The following HIBCH variants were observed in gnomAD, a reference collection of about 807,000 sequenced individuals.
HIBCH encodes the protein 3-hydroxyisobutyryl-CoA hydrolase, mitochondrial.
Under a neutral mutation model 58.2 loss-of-function variants are expected in HIBCH, and 50 were observed. The ratio of observed to expected loss-of-function variants is 0.86; its 90% CI spans 0.68 to 1.09. The LOEUF (loss-of-function observed/expected upper bound fraction) is 1.09. HIBCH is among the 50% of genes least tolerant of loss of function. The pLI is 0.00. For missense variants in HIBCH, 450 were observed against 449.7 expected, an observed-to-expected ratio of 1.00 and a Z score of -0.01; for synonymous variants, 151 against 146.9, an observed-to-expected ratio of 1.03 and a Z score of -0.20.
chr2:190,280,418 G>C (rs1203879390), intron 6 of HIBCH, among the ~76,000 whole-genome samples: 2 of 152,148 alleles, frequency 1.3e-5, no homozygotes, highest in Non-Finnish European at 2.9e-5. Context: ...GTGATGGTCA[G>C]GTGGTTGTTA....
chr2:190,225,189 C>G (rs920033531), intron 11 of HIBCH, among the ~76,000 whole-genome samples: 2 of 152,114 alleles, frequency 1.3e-5, no homozygotes, highest in South Asian at 2.1e-4. Flanking sequence ...AATTGACACC[C>G]TAACATCACA....
At chr2:190,246,461 T>C (rs1686611530) in intron 9 of HIBCH, among the ~76,000 whole-genome samples, 1 of 152,200 alleles carries the variant, frequency 6.6e-6, no homozygotes, top group African/African-American at 2.4e-5. Flanking sequence ...TAAATATATG[T>C]AACCACTATT....
intron 1 of HIBCH, among the ~76,000 whole-genome samples, chr2:190,318,719 T>C (rs927066961): frequency 8.7e-4 from 132 of 152,170 alleles, no homozygotes; most frequent in Non-Finnish European, 1.6e-3. Flanking sequence ...CTGACAACAC[T>C]GAAAAAGCGG....
intron 6 of HIBCH, among the ~76,000 whole-genome samples, chr2:190,278,447 G>A (rs72915455): frequency 0.22 from 34,135 of 152,128 alleles, 4,935 homozygotes; most frequent in South Asian, 0.37. Context: ...TAAGTGATCC[G>A]CCAGCCTAGG....
chr2:190,202,907 A>G (rs1247658565), downstream of HIBCH: 1 of 167,088 alleles, frequency 6.0e-6, no homozygotes, highest in East Asian at 1.9e-4. Flanking sequence ...TTTCAGTTAC[A>G]TGCCTTTGAT....
At position 190,206,600 on chromosome 2, in the gene HIBCH, A is replaced by G. The variant is rs1375233720; in HGVS notation, c.1046-1368T>C. ...GTTTGAGTGGGTATCCAGCTCCACT[A>G]AGATGGTCTTTTTTTCTTCTTCTAT... is the stretch of plus-strand genomic sequence containing the variant. On this transcript the variant is annotated intron_variant, in intron 13 of 13. Transcript: ENST00000359678. This position sits in a 1 kb window ranked among gnomAD's most constrained non-coding sequence, Gnocchi z 5.1. Among the ~76,000 whole-genome samples the G allele has an allele frequency of 6.6e-6, 1 of 152,192 alleles. No homozygotes were observed. The highest frequency in any genetic ancestry group is 1.5e-5 in the Non-Finnish European group (1 of 68,048).
rs972657687 is a variant in HIBCH at position 190,281,610 on chromosome 2, C to T, written c.438+5976G>A. The stretch of plus-strand genomic sequence containing the variant: ...TTACTCTCTTTAGCAAAAATTGCTG[C>T]GCCACACCTTGGTTTCCTCTCCCAA... On this transcript the variant is annotated intron_variant, in intron 6 of 13. Coordinates refer to ENST00000359678, the MANE Select transcript of HIBCH (RefSeq NM_014362.4). This position sits in a 1 kb window ranked among gnomAD's most constrained non-coding sequence, Gnocchi z 5.4. 2.6e-5 allele frequency among the ~76,000 whole-genome samples: 4 copies of T among 152,290 alleles called. No homozygotes were observed. Among genetic ancestry groups the T allele is most frequent in the African/African-American group, 4.8e-5 (2 of 41,568 alleles).
At chr2:190,296,712 C>G in intron 3 of HIBCH, 101 bp downstream of exon 3, 1 of 1,098,516 alleles carries the variant, frequency 9.1e-7, no homozygotes, top group African/African-American at 1.5e-5. Context: ...AGATGCATAT[C>G]CCAGAGAATT....
intron 8 of HIBCH, 138 bp downstream of exon 8, chr2:190,252,024 G>A (rs1686787014): frequency 1.3e-6 from 1 of 756,098 alleles, no homozygotes; most frequent in Non-Finnish European, 2.3e-6. Context: ...AGGTAACACA[G>A]CTATAAACTA....
intron 6 of HIBCH, among the ~76,000 whole-genome samples, chr2:190,269,336 T>C (rs1277787734): frequency 1.3e-5 from 2 of 152,162 alleles, no homozygotes; most frequent in Admixed American, 1.3e-4. Flanking sequence ...GCTATCCATC[T>C]GACAAAGGTC....
intron 11 of HIBCH, among the ~76,000 whole-genome samples, chr2:190,221,100 C>T (rs1051982751): frequency 1.3e-5 from 2 of 151,936 alleles, no homozygotes; most frequent in Non-Finnish European, 2.9e-5. Flanking sequence ...CATACACACA[C>T]AAACACACAC....
chr2:190,264,670 T>C (rs189602027), intron 6 of HIBCH, among the ~76,000 whole-genome samples: 58 of 152,364 alleles, frequency 3.8e-4, no homozygotes, highest in Non-Finnish European at 6.6e-4. Flanking sequence ...AAACAATTTG[T>C]TAATCCATTC....
At chr2:190,229,005 A>T (rs936620007) in intron 11 of HIBCH, among the ~76,000 whole-genome samples, 2 of 152,168 alleles carry the variant, frequency 1.3e-5, no homozygotes, top group Non-Finnish European at 2.9e-5. Context: ...GGAAATTTCT[A>T]ACAAAAGGAA....
At chr2:190,291,560 G>A (rs976736286) in intron 4 of HIBCH, among the ~76,000 whole-genome samples, 2 of 152,114 alleles carry the variant, frequency 1.3e-5, no homozygotes, top group South Asian at 2.1e-4. Flanking sequence ...AAGGGCAAAG[G>A]GAAAAGGTGA....
intron 8 of HIBCH, chr2:190,251,589 G>T: frequency 2.3e-6 from 1 of 433,590 alleles, no homozygotes; most frequent in Non-Finnish European, 4.8e-6. Flanking sequence ...GGCAAAAGAG[G>T]CTAAGTTCCA....
At position 190,254,904 on chromosome 2, in the gene HIBCH, C is replaced by A. The variant is rs1011110197; in HGVS notation, c.518-2597G>T. Among the ~76,000 whole-genome samples the A allele has an allele frequency of 6.6e-6, 1 of 152,132 alleles. No individual in the cohort carries two copies. The stretch of plus-strand genomic sequence containing the variant: ...ACTAGCCATATGTAGCTATTAAACA[C>A]CTGAAATGTAGCTGGTGTGACTGAG... On this transcript the variant is annotated intron_variant, in intron 7 of 13. Transcript: ENST00000359678. The surrounding 1 kb of genome is among the most constrained non-coding windows in gnomAD (Gnocchi z 5.0).
rs953624397 is a variant in HIBCH at position 190,315,372 on chromosome 2, T to G, written c.35+4344A>C. Among the ~76,000 whole-genome samples the G allele has an allele frequency of 2.6e-5, 4 of 152,188 alleles. No homozygotes were observed. Among genetic ancestry groups the G allele is most frequent in the Non-Finnish European group, 5.9e-5 (4 of 68,032 alleles). ...TTGGACAAGTACCATCAACATCCCCTGGAAACTGACTAGAAACTGAAATTC... is the reference window on the plus strand; with the variant it reads ...TTGGACAAGTACCATCAACATCCCCGGGAAACTGACTAGAAACTGAAATTC... On this transcript the variant is annotated intron_variant, in intron 1 of 13. Transcript: ENST00000359678. The surrounding 1 kb of genome is among the most constrained non-coding windows in gnomAD (Gnocchi z 5.4).
At chr2:190,298,720 T>C (rs1688179558) in intron 2 of HIBCH, among the ~76,000 whole-genome samples, 2 of 152,176 alleles carry the variant, frequency 1.3e-5, no homozygotes, top group African/African-American at 4.8e-5. Flanking sequence ...TGATAGTTTC[T>C]TTTGTGGTGC....
In HIBCH at chr2:190,197,603, G is replaced by A. The variant is rs765256952; in HGVS notation, c.*17+7497C>T. On this transcript the variant is annotated intron_variant, in intron 1 of 1. Transcript: ENST00000399855. This position sits in a 1 kb window ranked among gnomAD's most constrained non-coding sequence, Gnocchi z 4.0. ...GACTCTCCTGGGGCTCAACTCCCAC[G>A]GTAATGCTGGGAGATACCCCCAGGT... 7.2e-5 allele frequency among the ~76,000 whole-genome samples: 11 copies of A among 152,120 alleles called. No individual in the cohort carries two copies. Among genetic ancestry groups the A allele is most frequent in the East Asian group, 1.9e-4 (1 of 5,196 alleles).
Sources: gnomAD v4.1 joint callset for allele counts (sites outside exome capture counted in the v4.1 genomes callset) on GRCh38, gnomAD v4.1.1 for gene constraint, Gnocchi (gnomAD v3.1) non-coding constraint, MANE v1.5 for transcripts, NCBI Gene and HGNC (gene_info 2026-07-23, HGNC 2026-07-21) for gene names.